FOXN2: variants seen among roughly 807,000 people sequenced by gnomAD.
FOXN2 encodes the protein forkhead box protein N2.
A neutral mutation model predicts 41.2 loss-of-function variants in FOXN2; 19 were observed. The observed-to-expected ratio is 0.46, with a 90% CI of 0.32 to 0.68. The LOEUF is 0.68. Among genes scored for constraint, FOXN2 ranks in the 30% least tolerant of loss-of-function variants. The pLI, the probability that FOXN2 is intolerant of heterozygous loss-of-function variation, is 0.03. For missense variants in FOXN2, 587 were observed against 509.4 expected (o/e 1.15, Z -1.47); for synonymous variants, 195 against 176.8 (o/e 1.10, Z -0.82).
chr2:48,327,299 A>T (rs11687276), intron 1 of FOXN2, among the ~76,000 whole-genome samples: 11,436 of 152,200 alleles, frequency 0.075, 601 homozygotes, highest in Non-Finnish European at 0.12. Flanking sequence ...CTCACTTGCT[A>T]ACCATGTCTA....
intron 1 of FOXN2, among the ~76,000 whole-genome samples, chr2:48,326,280 T>A (rs942151082): frequency 1.3e-5 from 2 of 152,122 alleles, no homozygotes; most frequent in South Asian, 4.1e-4. Flanking sequence ...GAAAGCATGG[T>A]CTATTCAGAT....
intron 5 of FOXN2, among the ~76,000 whole-genome samples, chr2:48,369,639 A>G (rs1037520873): frequency 3.3e-5 from 5 of 152,210 alleles, no homozygotes; most frequent in Non-Finnish European, 7.4e-5. Context: ...GTTTCTCATT[A>G]TAATGCATTT....
chr2:48,358,032 A>G (rs991897418), intron 3 of FOXN2, among the ~76,000 whole-genome samples: 3 of 152,180 alleles, frequency 2.0e-5, no homozygotes, highest in Non-Finnish European at 2.9e-5. Flanking sequence ...AATTGCCAGC[A>G]TAGTAAAAAA....
intron 2 of FOXN2, among the ~76,000 whole-genome samples, chr2:48,339,167 C>A (rs1380150747): frequency 6.6e-6 from 1 of 152,118 alleles, no homozygotes; most frequent in African/African-American, 2.4e-5. Context: ...AGGTCTTCTG[C>A]CCTGTTACTA....
intron 3 of FOXN2, among the ~76,000 whole-genome samples, chr2:48,355,982 G>C (rs1244267174): frequency 1.3e-5 from 2 of 152,072 alleles, no homozygotes; most frequent in African/African-American, 4.8e-5. Context: ...ATCTGGCTGG[G>C]CACAGTGGCA....
In FOXN2 at chr2:48,346,619, CAAAG is replaced by C; in HGVS notation, c.409_412del (p.Glu137PhefsTer29). Reference sequence around the variant, plus strand: ...ACTCTCCAAATAAATGTTTGCCTGTCAAAGAAATTTATAGCTGGATTCTGGACCA... The same window carrying C: ...ACTCTCCAAATAAATGTTTGCCTGTCAAATTTATAGCTGGATTCTGGACCA... On this transcript the variant is annotated frameshift_variant, in exon 3 of 7. Coordinates refer to ENST00000340553, the MANE Select transcript of FOXN2 (RefSeq NM_002158.4). LOFTEE classifies it high-confidence loss of function. 10 of 1,614,112 alleles carry C rather than the reference CAAAG, an allele frequency of 6.2e-6. No individual in the cohort carries two copies. The highest frequency in any genetic ancestry group is 6.8e-6 in the Non-Finnish European group (8 of 1,179,986).
At chr2:48,335,433 T>C (rs1023347061) in intron 2 of FOXN2, among the ~76,000 whole-genome samples, 6 of 152,182 alleles carry the variant, frequency 3.9e-5, no homozygotes, top group African/African-American at 1.2e-4. Context: ...AAAGGGAACA[T>C]TTTTAAGAGA....
At chr2:48,322,324 G>A (rs1400785331) in intron 1 of FOXN2, among the ~76,000 whole-genome samples, 1 of 152,100 alleles carries the variant, frequency 6.6e-6, no homozygotes, top group Non-Finnish European at 1.5e-5. Context: ...TGAAACAAAT[G>A]CAGAAAACCA....
chr2:48,369,095 T>C (rs895085042), intron 5 of FOXN2, among the ~76,000 whole-genome samples: 5 of 152,242 alleles, frequency 3.3e-5, no homozygotes, highest in Non-Finnish European at 5.9e-5. Flanking sequence ...TCTACTGTTA[T>C]AGAAACAGTA....
Position 48,347,253 on chromosome 2 carries a change from G to A in FOXN2, c.537+502G>A, listed in dbSNP as rs188400602. Among the ~76,000 whole-genome samples the A allele has an allele frequency of 7.4e-3, 876 of 119,144 alleles. 4 individuals are homozygous for A. The highest frequency in any genetic ancestry group is 0.011 in the Non-Finnish European group (662 of 60,826). 78.2% of individuals were successfully genotyped at this position (119,144 alleles called of 152,430 possible). A position where few individuals can be genotyped will look rare whatever the true frequency, so the allele number is the denominator to read the frequency against. Reference sequence around the variant, plus strand: ...TTTTTTTTTTTTTTTTTGTGAGACAGTCTCGATCTGTCACCCAGCCTGGAG... The same window carrying A: ...TTTTTTTTTTTTTTTTTGTGAGACAATCTCGATCTGTCACCCAGCCTGGAG... On this transcript the variant is annotated intron_variant, in intron 3 of 6. Coordinates refer to ENST00000340553, the MANE Select transcript of FOXN2 (RefSeq NM_002158.4).
intron 1 of FOXN2, among the ~76,000 whole-genome samples, chr2:48,320,806 C>T (rs1669260577): frequency 6.6e-6 from 1 of 152,108 alleles, no homozygotes; most frequent in African/African-American, 2.4e-5. Flanking sequence ...GGGAAGAATA[C>T]AAGGTAGGGA....
At chr2:48,374,309 G>T (rs7576964) in intron 6 of FOXN2, among the ~76,000 whole-genome samples, 50,539 of 151,800 alleles carry the variant, frequency 0.33, 8,569 homozygotes, top group East Asian at 0.46. Flanking sequence ...GTGTAACTTC[G>T]CTAGAAATTC....
intron 5 of FOXN2, among the ~76,000 whole-genome samples, chr2:48,372,922 C>CAAA (rs372780873): frequency 1.5e-3 from 161 of 107,552 alleles, no homozygotes; most frequent in African/African-American, 5.3e-3. Context: ...AGTAAAAATG[C>CAAA]AAAAAAAAAA....
At chr2:48,370,511 A>G (rs1019079002) in intron 5 of FOXN2, among the ~76,000 whole-genome samples, 1 of 152,132 alleles carries the variant, frequency 6.6e-6, no homozygotes, top group Non-Finnish European at 1.5e-5. Flanking sequence ...TCTGACCTCT[A>G]TATTTAAAAT....
intron 2 of FOXN2, among the ~76,000 whole-genome samples, chr2:48,340,325 T>A (rs1452616703): frequency 6.6e-6 from 1 of 152,222 alleles, no homozygotes; most frequent in African/African-American, 2.4e-5. Context: ...GAAGCATTTC[T>A]CTCTTACCAA....
intron 1 of FOXN2, 147 bp downstream of exon 1, chr2:48,314,961 T>C (rs1017126760): frequency 6.6e-6 from 1 of 151,904 alleles, no homozygotes; most frequent in East Asian, 1.9e-4. Context: ...CCGGACATTT[T>C]TGTCCAGTGA....
chr2:48,346,524 C>G lies in FOXN2; in HGVS notation c.310C>G (p.Pro104Ala), dbSNP rs757811256. The G allele has an allele frequency of 2.5e-6, 4 of 1,612,706 alleles. No individual in the cohort carries two copies. Among genetic ancestry groups the G allele is most frequent in the South Asian group, 1.1e-5 (1 of 90,924 alleles). The change falls in exon 3 of 7, where the codon CCA becomes GCA. Residue 104 changes from proline (P) to alanine (A), a missense_variant. Physicochemically the swap from Pro to Ala is conservative, Grantham distance 27. Transcript: ENST00000340553. Reference sequence around the variant, plus strand: ...CTTTGGACCAGCTTGCTACCAGAACCCAGAAAAAAAATCAGCGACTTCAAA... The same window carrying G: ...CTTTGGACCAGCTTGCTACCAGAACGCAGAAAAAAAATCAGCGACTTCAAA... ...PSFGPACYQN[P>A]EKKSATSKPP...
rs192546192 is a variant in FOXN2 at position 48,372,162 on chromosome 2, G to C, written c.704-1130G>C. 3.2e-3 allele frequency among the ~76,000 whole-genome samples: 493 copies of C among 152,200 alleles called. 5 individuals are homozygous for C. The highest frequency in any genetic ancestry group is 0.011 in the African/African-American group (466 of 41,520). ...CCCCATTCAGTAAGATATTAGCTGT[G>C]GATCATGAGGTCACATTTTACTTGG... On this transcript the variant is annotated intron_variant, in intron 5 of 6. Transcript: ENST00000340553.
At chr2:48,328,284 G>A (rs1669810923) in intron 1 of FOXN2, among the ~76,000 whole-genome samples, 1 of 152,096 alleles carries the variant, frequency 6.6e-6, no homozygotes, top group African/African-American at 2.4e-5. Context: ...GATATCATGG[G>A]GGATTGATTC....
Sources: allele counts gnomAD v4.1 joint callset (sites outside exome capture counted in the v4.1 genomes callset), GRCh38; gene constraint gnomAD v4.1.1; transcripts MANE v1.5; gene names NCBI Gene and HGNC (gene_info 2026-07-23, HGNC 2026-07-21).